Variants in CEP63 observed in about 807,000 individuals in gnomAD.
CEP63 encodes centrosomal protein 63.
Under a neutral mutation model 89.1 loss-of-function variants are expected in CEP63, and 84 were observed. The observed-to-expected ratio is 0.94, with a 90% CI of 0.79 to 1.13. CEP63 has a LOEUF of 1.13. CEP63 is among the 50% of genes most tolerant of loss of function. CEP63 has a pLI of 0.00. For synonymous variants in CEP63, 267 were observed against 272.5 expected, an observed-to-expected ratio of 0.98 and a Z score of 0.20; for missense variants, 838 against 813.3, an observed-to-expected ratio of 1.03 and a Z score of -0.37.
the CEP63 span, among the ~76,000 whole-genome samples, chr3:134,629,976 CA>C: frequency 6.6e-6 from 1 of 152,192 alleles, no homozygotes; most frequent in Non-Finnish European, 1.5e-5. Flanking sequence ...GAGGATTCTG[CA>C]AAGTAAATAA....
intron 1 of CEP63, among the ~76,000 whole-genome samples, chr3:134,493,039 T>G (rs1559854734): frequency 1.3e-5 from 2 of 152,292 alleles, no homozygotes; most frequent in East Asian, 1.9e-4. Flanking sequence ...AATATATTAA[T>G]GTATATTACT....
the CEP63 span, among the ~76,000 whole-genome samples, chr3:134,687,667 T>C: frequency 1.4e-4 from 22 of 152,196 alleles, no homozygotes; most frequent in Non-Finnish European, 2.9e-4. Flanking sequence ...TTAACTTAAA[T>C]TTTTAGAAAA....
chr3:134,750,158 ATG>A, the CEP63 span, among the ~76,000 whole-genome samples: 23 of 152,128 alleles, frequency 1.5e-4, no homozygotes, highest in African/African-American at 5.5e-4. Flanking sequence ...AACCTTCCCA[ATG>A]TGAGCTCTTC....
At chr3:134,548,659 T>C (rs762246926) in intron 9 of CEP63, among the ~76,000 whole-genome samples, 5 of 71,356 alleles carry the variant, frequency 7.0e-5, no homozygotes, top group Non-Finnish European at 1.6e-4. Flanking sequence ...AAGTAATACA[T>C]TTTTTGTTTT....
the CEP63 span, among the ~76,000 whole-genome samples, chr3:134,781,496 G>T: frequency 6.6e-6 from 1 of 152,288 alleles, no homozygotes; most frequent in Non-Finnish European, 1.5e-5. Context: ...CACTGGGGAC[G>T]GCTTCAGTGA....
chr3:134,727,453 C>G, the CEP63 span, among the ~76,000 whole-genome samples: 1 of 152,070 alleles, frequency 6.6e-6, no homozygotes, highest in African/African-American at 2.4e-5. Flanking sequence ...TTTGACAAGG[C>G]CTTGGTTATT....
chr3:134,629,944 T>C, the CEP63 span, among the ~76,000 whole-genome samples: 1 of 152,212 alleles, frequency 6.6e-6, no homozygotes, highest in Non-Finnish European at 1.5e-5. Flanking sequence ...AACAATGTAC[T>C]GAATGTAAGG....
chr3:134,734,681 TTGTC>T, the CEP63 span, among the ~76,000 whole-genome samples: 1 of 152,124 alleles, frequency 6.6e-6, no homozygotes, highest in African/African-American at 2.4e-5. Flanking sequence ...AAAATCAAAA[TTGTC>T]TGATAATCAT....
chr3:134,651,252 C>G, the CEP63 span: 2 of 1,220,734 alleles, frequency 1.6e-6, no homozygotes, highest in Non-Finnish European at 1.0e-6. Context: ...CAGGGGCGGC[C>G]GGTCCAGAGC....
chr3:134,575,278 CT>C (rs1201925603), downstream of CEP63, among the ~76,000 whole-genome samples: 2 of 136,334 alleles, frequency 1.5e-5, no homozygotes, highest in African/African-American at 5.5e-5. Flanking sequence ...CTCTTTCCCC[CT>C]CCCTCCCTTC....
chr3:134,710,236 A>G, the CEP63 span, among the ~76,000 whole-genome samples: 1 of 152,228 alleles, frequency 6.6e-6, no homozygotes, highest in Non-Finnish European at 1.5e-5. Flanking sequence ...GAGGTGTCAG[A>G]GACCAGGGAA....
the CEP63 span, among the ~76,000 whole-genome samples, chr3:134,718,442 T>C: frequency 1.3e-5 from 2 of 152,260 alleles, no homozygotes; most frequent in Admixed American, 1.3e-4. Flanking sequence ...GTTTGATTTC[T>C]GAGTCCTGAA....
At chr3:134,727,031 G>T in the CEP63 span, among the ~76,000 whole-genome samples, 1 of 151,938 alleles carries the variant, frequency 6.6e-6, no homozygotes, top group South Asian at 2.1e-4. Flanking sequence ...CTTTCTTCAT[G>T]CTGCCCTCCC....
the CEP63 span, among the ~76,000 whole-genome samples, chr3:134,682,680 T>A: frequency 1.3e-5 from 2 of 152,222 alleles, no homozygotes; most frequent in Non-Finnish European, 2.9e-5. Flanking sequence ...TTAGGAATGT[T>A]ACTGATGAAG....
intron 1 of CEP63, among the ~76,000 whole-genome samples, chr3:134,491,114 A>G (rs13067564): frequency 0.18 from 27,658 of 152,214 alleles, 3,283 homozygotes; most frequent in Non-Finnish European, 0.27. Flanking sequence ...ATAAAAGGGT[A>G]AATGCATATA....
chr3:134,700,261 C>CG, the CEP63 span, among the ~76,000 whole-genome samples: 8,941 of 152,298 alleles, frequency 0.059, 467 homozygotes, highest in South Asian at 0.29. Context: ...CCATTCCTGC[C>CG]GCGCTGGCCC....
the CEP63 span, among the ~76,000 whole-genome samples, chr3:134,727,671 C>A: frequency 6.6e-6 from 1 of 152,138 alleles, no homozygotes; most frequent in Non-Finnish European, 1.5e-5. Flanking sequence ...AATATTCATA[C>A]GGTAGCTTAA....
the CEP63 span, among the ~76,000 whole-genome samples, chr3:134,723,542 C>G: frequency 6.6e-6 from 1 of 152,178 alleles, no homozygotes; most frequent in Non-Finnish European, 1.5e-5. Flanking sequence ...ATGGGTTACA[C>G]AACTTTATTA....
chr3:134,705,457 C>T, the CEP63 span, among the ~76,000 whole-genome samples: 3 of 152,216 alleles, frequency 2.0e-5, no homozygotes, highest in African/African-American at 7.2e-5. Flanking sequence ...GACCTGCCCC[C>T]ATGACCCAAA....
Sources: gnomAD v4.1 joint callset for allele counts (sites outside exome capture counted in the v4.1 genomes callset) on GRCh38, gnomAD v4.1.1 for gene constraint, MANE v1.5 for transcripts, NCBI Gene and HGNC (gene_info 2026-07-23, HGNC 2026-07-21) for gene names.